The following ATP2B3 variants were observed in gnomAD, a reference collection of about 807,000 sequenced individuals.
ATP2B3 encodes the protein plasma membrane calcium-transporting ATPase 3.
In ATP2B3, 12 loss-of-function variants were observed where a neutral mutation model predicts 70.8. The ratio of observed to expected loss-of-function variants is 0.17; its 90% confidence interval spans 0.11 to 0.27. The LOEUF (loss-of-function observed/expected upper bound fraction) is 0.27. Ranked by LOEUF, ATP2B3 falls within the 10% of genes least tolerant of loss-of-function variation. The probability of loss-of-function intolerance (pLI) is 1.00; values close to 1 mark genes in which losing one functional copy is unlikely to be tolerated. For synonymous variants in ATP2B3, 460 were observed against 497.8 expected, an observed-to-expected ratio of 0.92 and a Z score of 1.01; for missense variants, 858 against 1,118.5, an observed-to-expected ratio of 0.77 and a Z score of 3.32.
rs2090309953 is a variant in ATP2B3 at position 153,542,956 on chromosome X, G to A, written c.791-87G>A. On this transcript the variant is annotated intron_variant, in intron 6 of 21. Transcript: ENST00000263519. ...GGACACCGCGTCCCTGCTTCCGGGA[G>A]ACCCTGGGAGACAGGTTGTGGGCGC... is the stretch of plus-strand genomic sequence containing the variant. 2.7e-6 allele frequency: 3 copies of A among 1,100,337 alleles called. No individual in the cohort carries two copies. The East Asian group carries it at 9.5e-5, about 35-fold the overall frequency. The allele number at this position is 1,100,337 out of a possible 1,213,427, so 90.7% of individuals were successfully genotyped here. A position where few individuals can be genotyped will look rare whatever the true frequency, so the allele number is the denominator to read the frequency against.
intron 2 of ATP2B3, among the ~76,000 whole-genome samples, chrX:153,526,212 G>A (rs2980074): frequency 9.0e-6 from 1 of 111,157 alleles, no homozygotes; most frequent in African/African-American, 3.3e-5. Flanking sequence ...CCTTCCCAGT[G>A]GGGAGAGCAG....
chrX:153,544,916 C>T (rs1481630302), intron 7 of ATP2B3, among the ~76,000 whole-genome samples: 1 of 112,884 alleles, frequency 8.9e-6, no homozygotes, highest in Non-Finnish European at 1.9e-5. Context: ...TCCATGCTTC[C>T]TTCGGGCCCC....
chrX:153,546,249 G>A, intron 8 of ATP2B3, 120 bp downstream of exon 8: 1 of 889,998 alleles, frequency 1.1e-6, no homozygotes, highest in Non-Finnish European at 1.6e-6. Flanking sequence ...TTGGAGACCA[G>A]GTGAGTGGGC....
chrX:153,579,908 C>T (rs2090901678), intron 21 of ATP2B3, 70 bp from the exon 22 acceptor site: 2 of 1,003,589 alleles, frequency 2.0e-6, no homozygotes, highest in Non-Finnish European at 2.7e-6. Context: ...TCCACGTTTC[C>T]TTTCCTTTCC....
chrX:153,531,624 G>A (rs185216658), intron 2 of ATP2B3, among the ~76,000 whole-genome samples: 1 of 112,668 alleles, frequency 8.9e-6, no homozygotes, highest in Non-Finnish European at 1.9e-5. Context: ...CTTCCTTCTT[G>A]CTTCGGGGCC....
intron 12 of ATP2B3, among the ~76,000 whole-genome samples, chrX:153,551,480 T>G (rs2090455982): frequency 8.9e-6 from 1 of 112,081 alleles, no homozygotes; most frequent in South Asian, 3.7e-4. Flanking sequence ...CCTTATCAGC[T>G]ATGCGATTTC....
intron 21 of ATP2B3, among the ~76,000 whole-genome samples, chrX:153,579,324 GA>G (rs1557022066): frequency 8.9e-6 from 1 of 112,759 alleles, no homozygotes; most frequent in Non-Finnish European, 1.9e-5. Context: ...GTGGCCAGTG[GA>G]GTTAGCCGCA....
At chrX:153,573,521 C>T (rs967471810) in intron 21 of ATP2B3, among the ~76,000 whole-genome samples, 1 of 112,944 alleles carries the variant, frequency 8.9e-6, no homozygotes, top group African/African-American at 3.2e-5. Context: ...GAGCCCTGCC[C>T]TAGGCTTTCC....
In ATP2B3 at chrX:153,543,163, A is replaced by G; in HGVS notation, c.911A>G (p.Lys304Arg). ...GGAGAGGAGGAAGAGAAGAAAGATAAGAAAGGTAGCGCAGCAGTGCCGCCA... is the reference window on the plus strand; with the variant it reads ...GGAGAGGAGGAAGAGAAGAAAGATAGGAAAGGTAGCGCAGCAGTGCCGCCA... ...AGGEEEEKKD[K>R]KGKQQDGAME... is the part of the protein sequence containing the mutation. The change falls in exon 7 of 22, where the codon AAG (lysine) becomes AGG (arginine). Residue 304 changes from lysine (K) to arginine (R), a missense_variant. By Grantham distance (26) the Lys-to-Arg change is conservative (BLOSUM62 2). Transcript: ENST00000263519. 1.7e-6 allele frequency: 2 copies of G among 1,209,466 alleles called. No homozygotes were observed. The highest frequency in any genetic ancestry group is 2.2e-6 in the Non-Finnish European group (2 of 894,459).
At chrX:153,537,696 C>T (rs782368145) in intron 3 of ATP2B3, among the ~76,000 whole-genome samples, 1 of 112,348 alleles carries the variant, frequency 8.9e-6, no homozygotes, top group Admixed American at 9.3e-5. Context: ...GCTCTGCTCC[C>T]GAGCATCTCT....
chrX:153,538,082 C>A (rs1400710080), intron 3 of ATP2B3, among the ~76,000 whole-genome samples: 1 of 112,961 alleles, frequency 8.9e-6, no homozygotes, highest in Non-Finnish European at 1.9e-5. Flanking sequence ...CCCTCTTCAA[C>A]CCTCAAGGTC....
intron 21 of ATP2B3, among the ~76,000 whole-genome samples, chrX:153,577,402 A>T (rs1557021601): frequency 1.8e-5 from 2 of 111,615 alleles, no homozygotes; most frequent in African/African-American, 6.5e-5. Context: ...GCTCAGCGAG[A>T]TCTCACCCCA....
intron 3 of ATP2B3, 52 bp downstream of exon 3, chrX:153,536,507 G>T (rs781927942): frequency 9.6e-6 from 11 of 1,140,629 alleles, no homozygotes; most frequent in Non-Finnish European, 1.1e-5. Context: ...AGCCTTCAGA[G>T]GAGCGACCTG....
intron 12 of ATP2B3, 108 bp downstream of exon 12, chrX:153,550,394 T>C: frequency 9.1e-7 from 1 of 1,095,665 alleles, no homozygotes. Context: ...CTTTACAGTG[T>C]ACAGTTGAAT....
At chrX:153,555,551 C>T (rs1272065458) in intron 13 of ATP2B3, among the ~76,000 whole-genome samples, 1 of 111,607 alleles carries the variant, frequency 9.0e-6, no homozygotes, top group Non-Finnish European at 1.9e-5. Flanking sequence ...CCACATACCT[C>T]TTCATTTGGG....
rs1042384613 is a variant in ATP2B3 at position 153,546,572 on chromosome X, C to T, written c.958+443C>T. 3.5e-5 allele frequency among the ~76,000 whole-genome samples: 4 copies of T among 113,328 alleles called. No individual in the cohort carries two copies. In the East Asian group the frequency reaches 1.1e-3, roughly 32 times the overall value. ...AGTGGTCGGCTGAGGGCCAGAGGCC[C>T]GGCTCTCCTCTCAGCCCCGGACAGC... On this transcript the variant is annotated intron_variant, in intron 8 of 21. Coordinates refer to ENST00000263519, the MANE Select transcript of ATP2B3 (RefSeq NM_001001344.3).
Position 153,553,378 on chromosome X carries a change from C to T in ATP2B3, c.2058+109C>T, listed in dbSNP as rs2090487211. The T allele has an allele frequency of 2.1e-5, 14 of 654,721 alleles. No individual in the cohort carries two copies. In the South Asian group the frequency reaches 2.8e-4, roughly 13 times the overall value. The allele number at this position is 654,721 out of a possible 1,213,427, so 54.0% of individuals were successfully genotyped here. On this transcript the variant is annotated intron_variant, in intron 13 of 21. Transcript: ENST00000263519. ...TCACACACAGCTGCTGCGGTCCCTC[C>T]GTAGTACACTTGAGCCCCGTCCTGG...
At position 153,549,964 on chromosome X, in the gene ATP2B3, G is replaced by C. The variant is rs190580381; in HGVS notation, c.1582-81G>C. 7.9e-4 allele frequency: 917 copies of C among 1,168,149 alleles called. 2 individuals carry two copies. The African/African-American group carries it at 0.014, about 18-fold the overall frequency. The stretch of plus-strand genomic sequence containing the variant: ...CACCCTAACAATGTGGTGACCACGA[G>C]GGGGCAGAGCTGGGGCTCCAGGGGC... On this transcript the variant is annotated intron_variant, in intron 11 of 21. Coordinates refer to ENST00000263519, the MANE Select transcript of ATP2B3 (RefSeq NM_001001344.3).
At chrX:153,571,848 C>T (rs1231281352) in intron 21 of ATP2B3, among the ~76,000 whole-genome samples, 1 of 112,845 alleles carries the variant, frequency 8.9e-6, no homozygotes, top group African/African-American at 3.2e-5. Flanking sequence ...GAGGCCCATC[C>T]CAGCTGAACA....
Sources: allele counts gnomAD v4.1 joint callset (sites outside exome capture counted in the v4.1 genomes callset), GRCh38; gene constraint gnomAD v4.1.1; transcripts MANE v1.5; gene names NCBI Gene and HGNC (gene_info 2026-07-23, HGNC 2026-07-21).